Variants in MCTP2 observed in about 807,000 individuals in gnomAD.
MCTP2 encodes multiple C2 and transmembrane domain-containing protein 2.
MCTP2 carries 132 observed loss-of-function variants against 111.6 expected under a neutral mutation model. The observed-to-expected ratio is 1.18, with a 90% CI of 1.03 to 1.37. The LOEUF is 1.37. Ranked by LOEUF, MCTP2 falls within the 40% of genes most tolerant of loss-of-function variation. The pLI, the probability that MCTP2 is intolerant of heterozygous loss-of-function variation, is 0.00. For synonymous variants in MCTP2, 395 were observed against 387.7 expected (o/e 1.02, Z -0.22); for missense variants, 1,183 against 1,067.9 (o/e 1.11, Z -1.50).
At position 94,269,860 on chromosome 15, in the gene MCTP2, C is replaced by T. The variant is rs116743248; in HGVS notation, c.-65-28341C>T. Among the ~76,000 whole-genome samples the T allele has an allele frequency of 3.5e-3, 529 of 152,070 alleles. 2 individuals carry two copies. Among genetic ancestry groups the T allele is most frequent in the African/African-American group, 0.012 (506 of 41,464 alleles). On this transcript the variant is annotated intron_variant, in intron 1 of 22. Coordinates refer to ENST00000357742, the MANE Select transcript of MCTP2 (RefSeq NM_001385001.1). The stretch of plus-strand genomic sequence containing the variant: ...TTGTGTTCCAACTCTGATATTTAGC[C>T]GTGATACTGTTGTTTCAGAGTTTGA...
intron 21 of MCTP2, among the ~76,000 whole-genome samples, chr15:94,471,579 A>T (rs994622732): frequency 1.3e-5 from 2 of 152,174 alleles, no homozygotes; most frequent in Non-Finnish European, 2.9e-5. Flanking sequence ...TAATCCAATT[A>T]TTCTCTAAAC....
chr15:94,336,961 C>T (rs1441662999), intron 4 of MCTP2, among the ~76,000 whole-genome samples: 1 of 152,082 alleles, frequency 6.6e-6, no homozygotes, highest in Non-Finnish European at 1.5e-5. Context: ...CACACTACTA[C>T]AAGAGCCTCA....
intron 1 of MCTP2, among the ~76,000 whole-genome samples, chr15:94,293,118 G>A (rs1043910069): frequency 2.0e-5 from 3 of 152,010 alleles, no homozygotes; most frequent in Admixed American, 6.6e-5. Flanking sequence ...TAGAAAACAT[G>A]GGAGAAAACC....
chr15:94,390,049 CATATAT>C lies in MCTP2; in HGVS notation c.1788+4559_1788+4564del, dbSNP rs1169783409. ...CATTATTGATGGTGAATGTTCAAGGCATATATATATATATATATATATATATATATA... is the reference window on the plus strand; with the variant it reads ...CATTATTGATGGTGAATGTTCAAGGCATATATATATATATATATATATATA... On this transcript the variant is annotated intron_variant, in intron 14 of 22. Coordinates refer to ENST00000357742, the MANE Select transcript of MCTP2 (RefSeq NM_001385001.1). Among the ~76,000 whole-genome samples the C allele has an allele frequency of 9.4e-3, 1,035 of 109,588 alleles. 33 individuals carry two copies. The highest frequency in any genetic ancestry group is 0.082 in the East Asian group (288 of 3,508). The allele number at this position is 109,588 out of a possible 152,430, so 71.9% of individuals were successfully genotyped here. A position where few individuals can be genotyped will look rare whatever the true frequency, so the allele number is the denominator to read the frequency against.
chr15:94,372,864 C>A (rs534429117), intron 12 of MCTP2, among the ~76,000 whole-genome samples: 2 of 151,992 alleles, frequency 1.3e-5, no homozygotes, highest in African/African-American at 2.4e-5. Context: ...GGGAACCTTT[C>A]GTTCTTTCTG....
intron 4 of MCTP2, among the ~76,000 whole-genome samples, chr15:94,322,386 A>G (rs2076671197): frequency 2.6e-5 from 4 of 152,098 alleles, no homozygotes; most frequent in Admixed American, 2.6e-4. Flanking sequence ...GGATTGTTAC[A>G]TAATCATTAC....
intron 12 of MCTP2, among the ~76,000 whole-genome samples, chr15:94,370,910 A>C (rs1183354300): frequency 4.6e-5 from 7 of 152,136 alleles, no homozygotes; most frequent in Admixed American, 6.6e-5. Context: ...GGTTCTATCT[A>C]TTGATTCAGG....
chr15:94,260,327 C>G (rs945346211), intron 1 of MCTP2, among the ~76,000 whole-genome samples: 2 of 152,192 alleles, frequency 1.3e-5, no homozygotes, highest in African/African-American at 4.8e-5. Context: ...GAGTCCAGCC[C>G]ACTCAACTTT....
In MCTP2 at chr15:94,401,980, C is replaced by T. The variant is rs1596595149; in HGVS notation, c.2046C>T (p.Phe682=). The T allele has an allele frequency of 6.2e-7, 1 of 1,613,444 alleles. No homozygotes were observed. Among genetic ancestry groups the T allele is most frequent in the African/African-American group, 1.3e-5 (1 of 75,026 alleles). The change falls in exon 17 of 23, where the codon TTC becomes TTT. Residue 682 remains phenylalanine, a synonymous_variant. Transcript: ENST00000357742. ...CAATGCAGTTCCTTAAAAGCTGCTT[C>T]CAGTGGGAATCCACATTAAGAAGTA... ...WNTMQFLKSC[F]QWESTLRSTI...
chr15:94,431,912 T>C (rs149776600), intron 17 of MCTP2, among the ~76,000 whole-genome samples: 1 of 152,340 alleles, frequency 6.6e-6, no homozygotes, highest in Admixed American at 6.5e-5. Flanking sequence ...CACAGTATTC[T>C]GAAAGTGTCT....
Position 94,358,514 on chromosome 15 carries a change from G to T in MCTP2, c.1203G>T (p.Gln401His), listed in dbSNP as rs2078751560. The change falls in exon 10 of 23, where the codon CAG becomes CAT. Residue 401 changes from glutamine (Q) to histidine (H), a missense_variant. Transcript: ENST00000357742. ...TLCKSANPQW[Q>H]EQFDFHYFSD... ...GTAAGAGTGCAAATCCGCAGTGGCA[G>T]GAACAGTTTGACTTTCACTACTTCT... is the stretch of plus-strand genomic sequence containing the variant. 1 of 1,613,594 alleles carries T rather than the reference G, an allele frequency of 6.2e-7. No individual in the cohort carries two copies. The highest frequency in any genetic ancestry group is 1.7e-5 in the Admixed American group (1 of 59,974).
intron 1 of MCTP2, among the ~76,000 whole-genome samples, chr15:94,271,646 A>C (rs2073912352): frequency 6.6e-6 from 1 of 152,190 alleles, no homozygotes; most frequent in Admixed American, 6.5e-5. Flanking sequence ...TAAATGGTAT[A>C]ATATACTTAT....
intron 19 of MCTP2, among the ~76,000 whole-genome samples, chr15:94,455,201 A>G (rs972509813): frequency 6.6e-5 from 10 of 152,240 alleles, no homozygotes; most frequent in African/African-American, 2.4e-4. Context: ...ATGGAAAGAA[A>G]TTTAGAAGGC....
rs150144287 is a variant in MCTP2 at position 94,349,050 on chromosome 15, T to C, written c.1005+3886T>C. ...TATCTACCCGTCTCTATCTGTCTTCTATCTCTATTTCATCTGTCAATCAAT... is the reference window on the plus strand; with the variant it reads ...TATCTACCCGTCTCTATCTGTCTTCCATCTCTATTTCATCTGTCAATCAAT... On this transcript the variant is annotated intron_variant, in intron 8 of 22. Transcript: ENST00000357742. Among the ~76,000 whole-genome samples the C allele has an allele frequency of 1.9e-3, 282 of 152,156 alleles. 11 individuals carry two copies. In the East Asian group the frequency reaches 0.048, roughly 26 times the overall value.
chr15:94,387,300 C>T (rs2080559286), intron 14 of MCTP2, among the ~76,000 whole-genome samples: 1 of 151,518 alleles, frequency 6.6e-6, no homozygotes, highest in South Asian at 2.1e-4. Flanking sequence ...GTAGCATGTC[C>T]AGCCGTCTCC....
chr15:94,251,882 A>G (rs886389094), intron 1 of MCTP2, among the ~76,000 whole-genome samples: 3 of 152,128 alleles, frequency 2.0e-5, no homozygotes, highest in Non-Finnish European at 4.4e-5. Context: ...GAGGACTCCT[A>G]TAGTATTTGT....
chr15:94,402,064 A>T (rs755088408), intron 17 of MCTP2, 45 bp downstream of exon 17: 2 of 1,597,102 alleles, frequency 1.3e-6, no homozygotes, highest in Non-Finnish European at 1.7e-6. Context: ...TCTTATTTGC[A>T]TCTATTCATC....
intron 21 of MCTP2, among the ~76,000 whole-genome samples, chr15:94,472,148 C>T (rs928679493): frequency 6.6e-5 from 10 of 152,164 alleles, no homozygotes; most frequent in Admixed American, 4.6e-4. Flanking sequence ...GAGGCCGAGG[C>T]GGGCAGATCA....
intron 1 of MCTP2, among the ~76,000 whole-genome samples, chr15:94,241,923 T>G (rs1226262660): frequency 6.6e-6 from 1 of 152,206 alleles, no homozygotes; most frequent in African/African-American, 2.4e-5. Flanking sequence ...ATTTCATAGT[T>G]TTTTAAAAGT....
Sources: allele counts gnomAD v4.1 joint callset (sites outside exome capture counted in the v4.1 genomes callset), GRCh38; gene constraint gnomAD v4.1.1; transcripts MANE v1.5; gene names NCBI Gene and HGNC (gene_info 2026-07-23, HGNC 2026-07-21).